Variants in CMTM7 observed in about 807,000 individuals in gnomAD.
CMTM7 encodes CKLF-like MARVEL transmembrane domain-containing protein 7.
Under a neutral mutation model 19.3 loss-of-function variants are expected in CMTM7, and 7 were observed. That is an observed-to-expected ratio of 0.36 (90% confidence interval 0.21 to 0.68). The LOEUF is 0.68. Among genes scored for constraint, CMTM7 ranks in the 30% least tolerant of loss-of-function variants. The pLI, the probability that CMTM7 is intolerant of heterozygous loss-of-function variation, is 0.60. For missense variants in CMTM7, 193 were observed against 232.6 expected, an observed-to-expected ratio of 0.83 and a Z score of 1.11; for synonymous variants, 87 against 99.3, an observed-to-expected ratio of 0.88 and a Z score of 0.74.
chr3:32,414,282 C>G (rs543513120), intron 1 of CMTM7, among the ~76,000 whole-genome samples: 12 of 152,348 alleles, frequency 7.9e-5, no homozygotes, highest in African/African-American at 2.4e-4. Flanking sequence ...TCTCCACGTT[C>G]CACTGACGTT....
intron 1 of CMTM7, among the ~76,000 whole-genome samples, chr3:32,404,144 TTTTTTTTCTTTTTTTTTC>T (rs1426769322): frequency 8.4e-4 from 34 of 40,590 alleles, no homozygotes; most frequent in African/African-American, 2.4e-3. Flanking sequence ...CTTTCTTTCT[TTTTTTTTCTTTTTTTTTC>T]TTTTTTTTTT....
intron 1 of CMTM7, among the ~76,000 whole-genome samples, chr3:32,431,806 C>T (rs564657266): frequency 3.3e-5 from 5 of 152,236 alleles, no homozygotes; most frequent in African/African-American, 1.2e-4. Flanking sequence ...GATAGTAGTA[C>T]TTACCTCCTA....
chr3:32,452,126 A>G, intron 3 of CMTM7: 8 of 1,466,038 alleles, frequency 5.5e-6, no homozygotes, highest in Non-Finnish European at 7.3e-6. Flanking sequence ...CAGACCAGGC[A>G]CTGAAGCTGC....
At chr3:32,445,014 C>G (rs1294242352) in intron 2 of CMTM7, among the ~76,000 whole-genome samples, 2 of 152,180 alleles carry the variant, frequency 1.3e-5, no homozygotes, top group Non-Finnish European at 2.9e-5. Flanking sequence ...TTGTTCATTG[C>G]AAGTGCATAG....
Position 32,449,968 on chromosome 3 carries a change from C to A in CMTM7, c.432+416C>A, listed in dbSNP as rs1156745771. On this transcript the variant is annotated intron_variant, in intron 3 of 4. Coordinates refer to ENST00000334983, the MANE Select transcript of CMTM7 (RefSeq NM_138410.4). This position sits in a 1 kb window ranked among gnomAD's most constrained non-coding sequence, Gnocchi z 4.5. ...ATACATGCCATGAGCCTGAGCTTTG[C>A]CATTCCTGATTTTTAACAGTATTCA... 6.6e-6 allele frequency among the ~76,000 whole-genome samples: 1 copy of A among 152,156 alleles called. No individual in the cohort carries two copies. Among genetic ancestry groups the A allele is most frequent in the Non-Finnish European group, 1.5e-5 (1 of 68,022 alleles).
intron 2 of CMTM7, among the ~76,000 whole-genome samples, chr3:32,448,436 C>A (rs377446619): frequency 6.6e-6 from 1 of 152,340 alleles, no homozygotes; most frequent in East Asian, 1.9e-4. Flanking sequence ...GGCAGAACTT[C>A]ATGAAGGAAT....
chr3:32,392,119 AG>A, intron 1 of CMTM7, 54 bp downstream of exon 1: 1 of 1,207,186 alleles, frequency 8.3e-7, no homozygotes, highest in Non-Finnish European at 1.0e-6. Context: ...CCGGGAAAGC[AG>A]GGGTCCGGGA....
intron 1 of CMTM7, among the ~76,000 whole-genome samples, chr3:32,399,464 G>C (rs76676424): frequency 0.023 from 3,471 of 152,180 alleles, 53 homozygotes; most frequent in South Asian, 0.053. Flanking sequence ...GTACACTAAG[G>C]TTTCTTGGCA....
At chr3:32,394,627 G>GT (rs1207119773) in intron 1 of CMTM7, among the ~76,000 whole-genome samples, 1 of 152,180 alleles carries the variant, frequency 6.6e-6, no homozygotes, top group African/African-American at 2.4e-5. Context: ...TGATAATTCA[G>GT]TTTCTTTGGT....
At chr3:32,408,583 G>A (rs1281525347) in intron 1 of CMTM7, among the ~76,000 whole-genome samples, 1 of 152,196 alleles carries the variant, frequency 6.6e-6, no homozygotes, top group Non-Finnish European at 1.5e-5. Flanking sequence ...ACATCAGAGA[G>A]TGGTTCTCAG....
intron 1 of CMTM7, among the ~76,000 whole-genome samples, chr3:32,431,320 T>G (rs1412295411): frequency 6.6e-6 from 1 of 152,182 alleles, no homozygotes. Context: ...AGGAGTAGCA[T>G]TATGGGTAAT....
chr3:32,394,770 A>C (rs1433625883), intron 1 of CMTM7, among the ~76,000 whole-genome samples: 2 of 152,066 alleles, frequency 1.3e-5, no homozygotes, highest in East Asian at 3.9e-4. Flanking sequence ...ATCTCAGCTC[A>C]CTGCAACCTC....
intron 1 of CMTM7, among the ~76,000 whole-genome samples, chr3:32,433,779 G>A (rs916290644): frequency 6.6e-6 from 1 of 152,162 alleles, no homozygotes; most frequent in Non-Finnish European, 1.5e-5. Flanking sequence ...GTTGAAGTTG[G>A]CATTTCAACC....
chr3:32,445,828 A>T (rs566365457), intron 2 of CMTM7, among the ~76,000 whole-genome samples: 78 of 152,134 alleles, frequency 5.1e-4, no homozygotes, highest in African/African-American at 1.8e-3. Context: ...GTTTGTTTGT[A>T]TATGTTGGGC....
chr3:32,441,743 TG>T, intron 1 of CMTM7, 96 bp from the exon 2 acceptor site: 2 of 1,018,432 alleles, frequency 2.0e-6, no homozygotes, highest in Non-Finnish European at 3.0e-6. Context: ...TTCTTCAATG[TG>T]GGCCTGCTGG....
chr3:32,404,188 T>G (rs1294276249), intron 1 of CMTM7, among the ~76,000 whole-genome samples: 2 of 136,278 alleles, frequency 1.5e-5, no homozygotes, highest in African/African-American at 2.9e-5. Context: ...GGAGACAGAG[T>G]CTCACTCTGT....
intron 1 of CMTM7, among the ~76,000 whole-genome samples, chr3:32,410,737 C>G (rs890949637): frequency 6.6e-6 from 1 of 152,236 alleles, no homozygotes; most frequent in Non-Finnish European, 1.5e-5. Flanking sequence ...TAGCTGTTAG[C>G]CTGTTGTGAT....
intron 2 of CMTM7, among the ~76,000 whole-genome samples, chr3:32,446,489 G>A (rs1223784766): frequency 6.6e-6 from 1 of 151,956 alleles, no homozygotes; most frequent in Non-Finnish European, 1.5e-5. Flanking sequence ...CTTAATAAAT[G>A]TTGCTTTAAT....
At chr3:32,434,570 A>G (rs1696567686) in intron 1 of CMTM7, among the ~76,000 whole-genome samples, 1 of 150,124 alleles carries the variant, frequency 6.7e-6, no homozygotes, top group Admixed American at 6.6e-5. Context: ...TGGCCTCCCA[A>G]AGCACTGAGA....
Sources: allele counts gnomAD v4.1 joint callset (sites outside exome capture counted in the v4.1 genomes callset), GRCh38; gene constraint gnomAD v4.1.1; non-coding constraint Gnocchi (gnomAD v3.1); transcripts MANE v1.5; gene names NCBI Gene and HGNC (gene_info 2026-07-23, HGNC 2026-07-21).